The following NFIA variants were observed in gnomAD, a reference collection of about 807,000 sequenced individuals.
The protein encoded by NFIA is nuclear factor 1 A-type.
A neutral mutation model predicts 62.8 loss-of-function variants in NFIA; 8 were observed. The observed-to-expected ratio is 0.13, with a 90% confidence interval of 0.07 to 0.23. The LOEUF is 0.23. Among genes scored for constraint, NFIA ranks in the 10% least tolerant of loss-of-function variants. The pLI is 1.00. For missense variants in NFIA, 410 were observed against 642.1 expected, an observed-to-expected ratio of 0.64 and a Z score of 3.91; for synonymous variants, 235 against 238.1, an observed-to-expected ratio of 0.99 and a Z score of 0.12.
chr1:61,310,567 A>T (rs549612736), intron 3 of NFIA, among the ~76,000 whole-genome samples: 1 of 152,264 alleles, frequency 6.6e-6, no homozygotes, highest in African/African-American at 2.4e-5. Context: ...CCTGCCTAAG[A>T]AAGAATTAAC....
upstream of NFIA, among the ~76,000 whole-genome samples, chr1:61,080,709 C>A (rs1490113451): frequency 2.0e-5 from 3 of 152,140 alleles, no homozygotes; most frequent in African/African-American, 7.2e-5. Flanking sequence ...AGGCTGAAAT[C>A]ATTATTTCTC....
chr1:61,207,886 G>T (rs1439184438), intron 2 of NFIA, among the ~76,000 whole-genome samples: 2 of 151,602 alleles, frequency 1.3e-5, no homozygotes, highest in African/African-American at 4.9e-5. Flanking sequence ...GTGCACATTT[G>T]TGTAGGGGTT....
At chr1:61,248,330 A>G (rs1171667630) in intron 2 of NFIA, among the ~76,000 whole-genome samples, 2 of 152,178 alleles carry the variant, frequency 1.3e-5, no homozygotes, top group East Asian at 3.9e-4. Flanking sequence ...GGTGAGATGG[A>G]TTTCGTAAAA....
At position 61,455,627 on chromosome 1, in the gene NFIA, CGTG is replaced by C. The variant is rs1557454055; in HGVS notation, c.*309_*311del. The C allele has an allele frequency of 3.6e-5, 16 of 445,914 alleles. No individual in the cohort carries two copies. The highest frequency in any genetic ancestry group is 2.2e-4 in the African/African-American group (11 of 48,988). 27.6% of individuals were successfully genotyped at this position (445,914 alleles called of 1,614,324 possible). A position where few individuals can be genotyped will look rare whatever the true frequency, so the allele number is the denominator to read the frequency against. On this transcript the variant is annotated 3_prime_UTR_variant, in exon 11 of 11. Coordinates refer to ENST00000403491, the MANE Select transcript of NFIA (RefSeq NM_001134673.4). ...CCATGGTAGCGTGAGCATTAGGTGACGTGGCTAGCGGAGGACTACCCTTGCTCA... is the reference window on the plus strand; with the variant it reads ...CCATGGTAGCGTGAGCATTAGGTGACGCTAGCGGAGGACTACCCTTGCTCA...
chr1:61,333,047 GCACACACACACACACACA>G, intron 4 of NFIA, among the ~76,000 whole-genome samples: 1 of 144,790 alleles, frequency 6.9e-6, no homozygotes, highest in African/African-American at 2.5e-5. Flanking sequence ...TAGCATGCAC[GCACACACACACACACACA>G]CATACACACA....
chr1:61,326,070 G>A (rs1660921383), intron 3 of NFIA, among the ~76,000 whole-genome samples: 1 of 152,150 alleles, frequency 6.6e-6, no homozygotes, highest in South Asian at 2.1e-4. Context: ...GTTGCTGGTA[G>A]GGAAAAGGGA....
At chr1:61,277,824 A>G (rs891506932) in intron 3 of NFIA, among the ~76,000 whole-genome samples, 1 of 152,200 alleles carries the variant, frequency 6.6e-6, no homozygotes, top group African/African-American at 2.4e-5. Flanking sequence ...GAGAACCTGA[A>G]TTCCCAAGAA....
At chr1:61,396,421 A>AT (rs1164453336) in intron 7 of NFIA, among the ~76,000 whole-genome samples, 40 of 152,086 alleles carry the variant, frequency 2.6e-4, no homozygotes, top group African/African-American at 8.7e-4. Flanking sequence ...CATTTTTAAA[A>AT]TTTTTTGTAG....
intron 6 of NFIA, among the ~76,000 whole-genome samples, chr1:61,380,680 C>T (rs994020299): frequency 6.6e-6 from 1 of 152,028 alleles, no homozygotes; most frequent in Non-Finnish European, 1.5e-5. Context: ...TCAATACGAA[C>T]TCTTTAAAAA....
intron 2 of NFIA, among the ~76,000 whole-genome samples, chr1:61,198,991 A>G (rs1034471144): frequency 2.6e-5 from 4 of 152,194 alleles, no homozygotes; most frequent in Admixed American, 2.6e-4. Context: ...GCCTTTGCCC[A>G]CTAAAAAATC....
chr1:61,140,955 C>G (rs1647462718), intron 2 of NFIA, among the ~76,000 whole-genome samples: 1 of 145,438 alleles, frequency 6.9e-6, no homozygotes, highest in Non-Finnish European at 1.5e-5. Flanking sequence ...TGTGGTCTAA[C>G]CACAGCTGGG....
chr1:61,403,293 A>G (rs1665659563), intron 7 of NFIA, among the ~76,000 whole-genome samples: 2 of 152,342 alleles, frequency 1.3e-5, no homozygotes, highest in Middle Eastern at 3.4e-3. Context: ...TTCAAGGGCA[A>G]AAGTTCTCTT....
chr1:61,429,573 C>A (rs908714880), intron 10 of NFIA, among the ~76,000 whole-genome samples: 4 of 152,112 alleles, frequency 2.6e-5, no homozygotes, highest in Non-Finnish European at 5.9e-5. Flanking sequence ...TAGCGTATAC[C>A]CCCAAAAATG....
At chr1:61,100,480 C>A (rs1490717248) in intron 2 of NFIA, among the ~76,000 whole-genome samples, 2 of 152,138 alleles carry the variant, frequency 1.3e-5, no homozygotes, top group African/African-American at 4.8e-5. Context: ...TCAGTGCCAT[C>A]TCAGATATAA....
At chr1:61,240,556 G>A (rs1655286400) in intron 2 of NFIA, among the ~76,000 whole-genome samples, 1 of 151,336 alleles carries the variant, frequency 6.6e-6, no homozygotes, top group Admixed American at 6.6e-5. Context: ...CCCCCATACT[G>A]ACATGATATT....
At chr1:61,334,264 AAG>A (rs1661463721) in intron 4 of NFIA, among the ~76,000 whole-genome samples, 1 of 151,970 alleles carries the variant, frequency 6.6e-6, no homozygotes, top group Admixed American at 6.6e-5. Flanking sequence ...CATAACTTGG[AAG>A]AGAGAGGTTG....
chr1:61,423,213 G>A (rs964622569), intron 9 of NFIA, among the ~76,000 whole-genome samples: 4 of 150,602 alleles, frequency 2.7e-5, no homozygotes, highest in Admixed American at 1.3e-4. Context: ...GGTTCATAGC[G>A]CTATTGCTAA....
In NFIA at chr1:61,187,352, C is replaced by T. The variant is rs1193400620; in HGVS notation, c.560-90168C>T. Among the ~76,000 whole-genome samples the T allele has an allele frequency of 2.6e-5, 4 of 152,290 alleles. No homozygotes were observed. The East Asian group carries it at 5.8e-4, about 22-fold the overall frequency. ...AGTTCCCAGCAGTTGAAATGGCATC[C>T]TACCCAGGTTGCTAGCACCATCCCT... On this transcript the variant is annotated intron_variant, in intron 2 of 10. Transcript: ENST00000403491.
intron 3 of NFIA, among the ~76,000 whole-genome samples, chr1:61,307,867 A>G (rs891010120): frequency 6.6e-6 from 1 of 152,230 alleles, no homozygotes; most frequent in Non-Finnish European, 1.5e-5. Flanking sequence ...GTCAAGAGTT[A>G]GAAAATACAG....
Sources: gnomAD v4.1 joint callset for allele counts (sites outside exome capture counted in the v4.1 genomes callset) on GRCh38, gnomAD v4.1.1 for gene constraint, MANE v1.5 for transcripts, NCBI Gene and HGNC (gene_info 2026-07-23, HGNC 2026-07-21) for gene names.